Variants in SGCZ observed in about 807,000 individuals in gnomAD.
SGCZ encodes sarcoglycan zeta, also known as zeta-sarcoglycan.
In SGCZ, 40 loss-of-function variants were observed where a neutral mutation model predicts 41.3. That is an observed-to-expected ratio of 0.97 (90% confidence interval 0.75 to 1.26). The LOEUF is 1.26. SGCZ is among the 50% of genes most tolerant of loss of function. The pLI is 0.00. For synonymous variants in SGCZ, 206 were observed against 137.5 expected, an observed-to-expected ratio of 1.50 and a Z score of -3.49; for missense variants, 552 against 369.8, an observed-to-expected ratio of 1.49 and a Z score of -4.04.
chr8:14,416,333 T>C (rs1476735777), intron 2 of SGCZ, among the ~76,000 whole-genome samples: 1 of 151,956 alleles, frequency 6.6e-6, no homozygotes, highest in Non-Finnish European at 1.5e-5. Flanking sequence ...CTATACAGTA[T>C]TTCTATTTAA....
At chr8:14,571,642 T>C (rs1442697494) in intron 1 of SGCZ, among the ~76,000 whole-genome samples, 1 of 152,210 alleles carries the variant, frequency 6.6e-6, no homozygotes. Flanking sequence ...TCGAGCTCTA[T>C]ATTCCAAGCT....
chr8:14,103,116 C>T (rs187065525), intron 6 of SGCZ, among the ~76,000 whole-genome samples: 1 of 152,050 alleles, frequency 6.6e-6, no homozygotes, highest in Admixed American at 6.5e-5. Context: ...GAATGAGTGA[C>T]ATCAGTCTGT....
At chr8:14,951,603 A>G (rs1341738110) in intron 1 of SGCZ, among the ~76,000 whole-genome samples, 2 of 152,070 alleles carry the variant, frequency 1.3e-5, no homozygotes, top group Admixed American at 6.6e-5. Context: ...AGCTGGTTCA[A>G]CGTCTCAAAA....
chr8:14,442,454 C>G lies in SGCZ; in HGVS notation c.234+112278G>C, dbSNP rs149223964. 1.2e-3 allele frequency among the ~76,000 whole-genome samples: 178 copies of G among 152,242 alleles called. 1 individual carries two copies. The highest frequency in any genetic ancestry group is 4.0e-3 in the African/African-American group (168 of 41,552). ...TAAGTCTCTTTTTCTTTATAAATTA[C>G]CCAGTATCAGGTATGTCTTTAATAG... is the stretch of plus-strand genomic sequence containing the variant. On this transcript the variant is annotated intron_variant, in intron 2 of 7. Transcript: ENST00000382080.
At chr8:15,188,066 C>A (rs268349) in intron 1 of SGCZ, among the ~76,000 whole-genome samples, 1 of 151,736 alleles carries the variant, frequency 6.6e-6, no homozygotes, top group East Asian at 1.9e-4. Flanking sequence ...AATGTATGCT[C>A]GTTTAATTTT....
At chr8:15,196,410 T>C (rs1019287318) in intron 1 of SGCZ, among the ~76,000 whole-genome samples, 3 of 152,208 alleles carry the variant, frequency 2.0e-5, no homozygotes, top group African/African-American at 7.2e-5. Context: ...AAAAGTCCAG[T>C]AAGCTTAGGA....
intron 1 of SGCZ, among the ~76,000 whole-genome samples, chr8:14,921,207 G>A (rs992115786): frequency 6.6e-6 from 1 of 152,108 alleles, no homozygotes; most frequent in Non-Finnish European, 1.5e-5. Context: ...CCCAAGAGCA[G>A]CCCCAAACAA....
intron 1 of SGCZ, among the ~76,000 whole-genome samples, chr8:14,847,443 T>C (rs1208123323): frequency 6.6e-6 from 1 of 151,958 alleles, no homozygotes; most frequent in Non-Finnish European, 1.5e-5. Context: ...GTTGACTTCA[T>C]TGCAGGAATG....
At chr8:14,128,713 A>G (rs1173515357) in intron 5 of SGCZ, among the ~76,000 whole-genome samples, 1 of 151,766 alleles carries the variant, frequency 6.6e-6, no homozygotes, top group Non-Finnish European at 1.5e-5. Context: ...GTGTATATAT[A>G]CATATACACA....
intron 5 of SGCZ, among the ~76,000 whole-genome samples, chr8:14,129,655 G>T (rs1427357896): frequency 6.6e-6 from 1 of 151,074 alleles, no homozygotes. Context: ...GAAGAGAAGA[G>T]AAAACTAAAC....
At chr8:15,049,654 A>T (rs1441252177) in intron 1 of SGCZ, among the ~76,000 whole-genome samples, 1 of 152,148 alleles carries the variant, frequency 6.6e-6, no homozygotes, top group African/African-American at 2.4e-5. Flanking sequence ...TTTAGATATG[A>T]CAGCAGGTTA....
intron 1 of SGCZ, among the ~76,000 whole-genome samples, chr8:14,900,226 G>A (rs751746030): frequency 1.5e-4 from 23 of 152,082 alleles, no homozygotes; most frequent in Non-Finnish European, 2.8e-4. Context: ...AACAGCTTAC[G>A]GTAATAGTAA....
chr8:14,600,099 T>C (rs1284545569), intron 1 of SGCZ, among the ~76,000 whole-genome samples: 3 of 152,162 alleles, frequency 2.0e-5, no homozygotes, highest in Non-Finnish European at 4.4e-5. Context: ...TCCCATCTAG[T>C]AGTAGCATTT....
chr8:15,115,468 C>G (rs1460675090), intron 1 of SGCZ, among the ~76,000 whole-genome samples: 1 of 152,156 alleles, frequency 6.6e-6, no homozygotes, highest in Non-Finnish European at 1.5e-5. Context: ...AGTCCAGAAA[C>G]TCAAGACAAA....
intron 1 of SGCZ, among the ~76,000 whole-genome samples, chr8:15,185,034 A>G (rs1157227892): frequency 6.6e-6 from 1 of 152,180 alleles, no homozygotes; most frequent in Non-Finnish European, 1.5e-5. Flanking sequence ...TTTTAGCTCC[A>G]GATGCAAATA....
At position 14,716,370 on chromosome 8, in the gene SGCZ, C is replaced by A. The variant is rs904044532; in HGVS notation, c.40-161444G>T. On this transcript the variant is annotated intron_variant, in intron 1 of 7. Transcript: ENST00000382080. ...TCCATGCGCACACACACACTTAAAA[C>A]TGTAAAATGTTATGTTTAAAGTGAT... Among the ~76,000 whole-genome samples, 22 of 152,050 alleles carry A rather than the reference C, an allele frequency of 1.4e-4. 1 individual carries two copies. The South Asian group carries it at 1.9e-3, about 13-fold the overall frequency.
chr8:15,025,313 C>G (rs1356910925), intron 1 of SGCZ, among the ~76,000 whole-genome samples: 1 of 152,016 alleles, frequency 6.6e-6, no homozygotes, highest in African/African-American at 2.4e-5. Context: ...CTAATTGAGA[C>G]AAGGGAGACA....
intron 1 of SGCZ, among the ~76,000 whole-genome samples, chr8:15,035,470 A>G (rs1351398022): frequency 6.6e-6 from 1 of 152,188 alleles, no homozygotes; most frequent in East Asian, 1.9e-4. Context: ...GAATACAATT[A>G]ACAAAATATC....
At chr8:15,009,731 C>G (rs890110737) in intron 1 of SGCZ, among the ~76,000 whole-genome samples, 3 of 152,180 alleles carry the variant, frequency 2.0e-5, no homozygotes, top group Non-Finnish European at 2.9e-5. Context: ...GTCCCTCACA[C>G]TCTTCATATC....
Sources: allele counts gnomAD v4.1 joint callset (sites outside exome capture counted in the v4.1 genomes callset), GRCh38; gene constraint gnomAD v4.1.1; transcripts MANE v1.5; gene names NCBI Gene and HGNC (gene_info 2026-07-23, HGNC 2026-07-21).